The following ZNF888 variants were observed in gnomAD, a reference collection of about 807,000 sequenced individuals.
ZNF888 encodes zinc finger protein 888.
ZNF888 carries 5 observed loss-of-function variants against 7.2 expected under a neutral mutation model. That is an observed-to-expected ratio of 0.70 (90% CI 0.36 to 1.46). The LOEUF is 1.46. Ranked by LOEUF, ZNF888 falls within the 40% of genes most tolerant of loss-of-function variation. ZNF888 has a pLI of 0.03. For synonymous variants in ZNF888, 240 were observed against 284.3 expected, an observed-to-expected ratio of 0.84 and a Z score of 1.57; for missense variants, 716 against 858.0, an observed-to-expected ratio of 0.83 and a Z score of 2.07.
chr19:52,915,163 A>C (rs1400366779), intron 4 of ZNF888, 33 bp downstream of exon 4: 1 of 1,519,060 alleles, frequency 6.6e-7, no homozygotes, highest in Non-Finnish European at 8.8e-7. Context: ...AAGATCCACA[A>C]GGGAACATCC....
intron 1 of ZNF888, among the ~76,000 whole-genome samples, chr19:52,919,983 GT>G (rs1311304632): frequency 1.1e-4 from 6 of 54,102 alleles, no homozygotes; most frequent in African/African-American, 2.3e-4. Context: ...CGTCCGGGAG[GT>G]GAGGGGCGCC....
In ZNF888 at chr19:52,923,416, C is replaced by T. The variant is rs535027705; in HGVS notation, c.-225G>A. The T allele has an allele frequency of 2.8e-3, 2,725 of 985,322 alleles. 6 individuals are homozygous for T. Among genetic ancestry groups the T allele is most frequent in the Middle Eastern group, 8.3e-3 (16 of 1,920 alleles). 61.0% of individuals were successfully genotyped at this position (985,322 alleles called of 1,614,324 possible). On this transcript the variant is annotated 5_prime_UTR_variant, in exon 1 of 5. Coordinates refer to ENST00000638862, the MANE Select transcript of ZNF888 (RefSeq NM_001393938.1). ...CACGCGATCCGCTTCCTGGTCCGGGCGAATCTACAAGCACAGGACAGAAGC... is the reference window on the plus strand; with the variant it reads ...CACGCGATCCGCTTCCTGGTCCGGGTGAATCTACAAGCACAGGACAGAAGC...
At chr19:52,917,973 T>A in intron 2 of ZNF888, 42 bp from the exon 3 acceptor site, 2 of 1,594,982 alleles carry the variant, frequency 1.3e-6, no homozygotes, top group South Asian at 2.2e-5. Context: ...TGTTGTTTAT[T>A]GCTCAGAGTC....
chr19:52,905,654 T>C lies in ZNF888; in HGVS notation c.*511A>G. ...TAAACACTTTAATGTCAATTAATGC[T>C]TGAACTCAACGTTAAGTCAACTCAA... On this transcript the variant is annotated 3_prime_UTR_variant, in exon 5 of 5. Coordinates refer to ENST00000638862, the MANE Select transcript of ZNF888 (RefSeq NM_001393938.1). 1 of 402,094 alleles carries C rather than the reference T, an allele frequency of 2.5e-6. No individual in the cohort carries two copies. The highest frequency in any genetic ancestry group is 5.0e-6 in the Non-Finnish European group (1 of 198,694). The allele number at this position is 402,094 out of a possible 1,614,324, so 24.9% of individuals were successfully genotyped here. A position where few individuals can be genotyped will look rare whatever the true frequency, so the allele number is the denominator to read the frequency against.
chr19:52,907,638 G>A lies in ZNF888; in HGVS notation c.684C>T (p.Leu228=). The A allele has an allele frequency of 1.2e-6, 2 of 1,604,094 alleles. No homozygotes were observed. The highest frequency in any genetic ancestry group is 2.2e-5 in the South Asian group (2 of 89,030). The change falls in exon 5 of 5, where the codon CTC becomes CTT. Residue 228 remains leucine, a synonymous_variant. Transcript: ENST00000638862. ...GATGAATTATCTGATGTTTTTTAAA[G>A]AGTGAGCTACAATTAAAGGATTTGC... ...ESGKSFNCSS[L]FKKHQIIHLG... is the part of the protein sequence containing the mutation.
In ZNF888 at chr19:52,920,938, TAAAAAA is replaced by T. The variant is rs145361548; in HGVS notation, c.-177-2007_-177-2002del. On this transcript the variant is annotated intron_variant, in intron 1 of 4. Transcript: ENST00000638862. Reference sequence around the variant, plus strand: ...GCTCAGAATAAATCTCTTCAAATATTAAAAAAAAAAAAAAAAAAAAAAAAAAAAAAT... The same window carrying T: ...GCTCAGAATAAATCTCTTCAAATATTAAAAAAAAAAAAAAAAAAAAAAAAT... 2.6e-3 allele frequency among the ~76,000 whole-genome samples: 17 copies of T among 6,530 alleles called. 4 individuals are homozygous for T. The highest frequency in any genetic ancestry group is 6.4e-3 in the African/African-American group (17 of 2,660). 4.3% of individuals were successfully genotyped at this position (6,530 alleles called of 152,430 possible).
At chr19:52,914,954 C>G (rs1043824746) in intron 4 of ZNF888, among the ~76,000 whole-genome samples, 3 of 152,204 alleles carry the variant, frequency 2.0e-5, no homozygotes, top group African/African-American at 7.2e-5. Context: ...AGCCACCATG[C>G]CCAGCCTGCC....
At chr19:52,920,518 A>AAAAAAAAAG (rs2064813593) in intron 1 of ZNF888, among the ~76,000 whole-genome samples, 1 of 38,060 alleles carries the variant, frequency 2.6e-5, no homozygotes, top group Non-Finnish European at 5.5e-5. Context: ...AAAAAAAAAG[A>AAAAAAAAAG]AAAAAAAAGA....
intron 3 of ZNF888, among the ~76,000 whole-genome samples, chr19:52,916,006 T>TGAGC (rs2064742446): frequency 7.9e-5 from 12 of 151,684 alleles, no homozygotes; most frequent in Non-Finnish European, 1.5e-4. Context: ...ATCAGCCAGG[T>TGAGC]GCAGTGACAC....
intron 3 of ZNF888, chr19:52,917,401 T>A: frequency 2.8e-6 from 1 of 359,212 alleles, no homozygotes; most frequent in East Asian, 5.7e-5. Context: ...ACTCACTCAA[T>A]TACCTAAAAA....
intron 4 of ZNF888, among the ~76,000 whole-genome samples, chr19:52,911,126 G>A (rs552382335): frequency 2.3e-4 from 35 of 152,098 alleles, no homozygotes; most frequent in African/African-American, 7.7e-4. Flanking sequence ...TGATTGGCCC[G>A]TCTCAGCCTC....
At position 52,907,238 on chromosome 19, in the gene ZNF888, C is replaced by T. The variant is rs1294204423; in HGVS notation, c.1084G>A (p.Val362Ile). 2.4e-5 allele frequency: 39 copies of T among 1,613,136 alleles called. No homozygotes were observed. The highest frequency in any genetic ancestry group is 3.2e-5 in the Non-Finnish European group (38 of 1,179,748). ...KPYQCKECDK[V>I]FSRKSYLERH... ...TCAAGGTATGATTTGCGACTGAAAACTTTGTCACATTCTTTACATTGGTAA... is the reference window on the plus strand; with the variant it reads ...TCAAGGTATGATTTGCGACTGAAAATTTTGTCACATTCTTTACATTGGTAA... The change falls in exon 5 of 5, where the codon GTT (valine) becomes ATT (isoleucine). Residue 362 changes from valine to isoleucine, a missense_variant. By Grantham distance (29) the Val-to-Ile change is conservative. This residue lies in a region of ZNF888 where 697 missense variants were observed against 803.4 expected (regional missense o/e 0.87). Coordinates refer to ENST00000638862, the MANE Select transcript of ZNF888 (RefSeq NM_001393938.1).
At chr19:52,909,599 C>T (rs1012176631) in intron 4 of ZNF888, among the ~76,000 whole-genome samples, 17 of 151,700 alleles carry the variant, frequency 1.1e-4, no homozygotes, top group South Asian at 4.2e-4. Flanking sequence ...ATACCACGTA[C>T]CAAAAACTCA....
chr19:52,918,391 T>G (rs898681646), intron 2 of ZNF888: 5 of 174,092 alleles, frequency 2.9e-5, no homozygotes, highest in Non-Finnish European at 5.7e-5. Context: ...CCCAGCTACT[T>G]AGGAAGCTGA....
At chr19:52,922,332 C>A (rs191927720) in intron 1 of ZNF888, among the ~76,000 whole-genome samples, 1 of 151,922 alleles carries the variant, frequency 6.6e-6, no homozygotes, top group Admixed American at 6.6e-5. Flanking sequence ...CACTCTCTGG[C>A]ACCCCAGATT....
chr19:52,911,965 C>T (rs7250224), intron 4 of ZNF888, among the ~76,000 whole-genome samples: 79,607 of 148,056 alleles, frequency 0.54, 21,929 homozygotes, highest in Admixed American at 0.65. Flanking sequence ...TACAGGCACC[C>T]GCCACCACAC....
chr19:52,915,135 G>T (rs1422960984), intron 4 of ZNF888, 61 bp downstream of exon 4: 2 of 1,527,858 alleles, frequency 1.3e-6, no homozygotes, highest in Non-Finnish European at 1.7e-6. Flanking sequence ...ACTCCCAAGA[G>T]AAACAAGAGA....
At chr19:52,917,588 T>C (rs1296234940) in intron 3 of ZNF888, among the ~76,000 whole-genome samples, 1 of 152,064 alleles carries the variant, frequency 6.6e-6, no homozygotes, top group East Asian at 1.9e-4. Flanking sequence ...CCAACACCAC[T>C]GACACCATAG....
At chr19:52,909,489 C>T (rs1191313618) in intron 4 of ZNF888, among the ~76,000 whole-genome samples, 1 of 151,988 alleles carries the variant, frequency 6.6e-6, no homozygotes, top group African/African-American at 2.4e-5. Context: ...CTCAGGTGAC[C>T]CACATGTCTC....
Sources: allele counts gnomAD v4.1 joint callset (sites outside exome capture counted in the v4.1 genomes callset), GRCh38; gene constraint gnomAD v4.1.1; regional missense constraint gnomAD v4.1.1; transcripts MANE v1.5; gene names NCBI Gene and HGNC (gene_info 2026-07-23, HGNC 2026-07-21).